Variants in RHOT1 observed in about 807,000 individuals in gnomAD.
RHOT1 encodes mitochondrial Rho GTPase 1.
Under a neutral mutation model 95.3 loss-of-function variants are expected in RHOT1, and 27 were observed. That is an observed-to-expected ratio of 0.28 (90% confidence interval 0.21 to 0.39). The LOEUF is 0.39. RHOT1 is among the 10% of genes least tolerant of loss of function. The probability of loss-of-function intolerance (pLI) is 1.00; values close to 1 mark genes in which losing one functional copy is unlikely to be tolerated. For synonymous variants in RHOT1, 227 were observed against 263.5 expected, an observed-to-expected ratio of 0.86 and a Z score of 1.34; for missense variants, 578 against 786.7, an observed-to-expected ratio of 0.73 and a Z score of 3.17.
chr17:32,222,637 A>G (rs1219672751), intron 19 of RHOT1, among the ~76,000 whole-genome samples: 1 of 152,112 alleles, frequency 6.6e-6, no homozygotes, highest in Non-Finnish European at 1.5e-5. Flanking sequence ...AAAACATGAG[A>G]TCCATCATAT....
Position 32,193,193 on chromosome 17 carries a change from G to A in RHOT1, c.697G>A (p.Val233Ile). The A allele has an allele frequency of 6.2e-7, 1 of 1,613,834 alleles. No individual in the cohort carries two copies. The highest frequency in any genetic ancestry group is 8.5e-7 in the Non-Finnish European group (1 of 1,179,826). ...PQALEDVKNV[V>I]RKHISDGVAD... The stretch of plus-strand genomic sequence containing the variant: ...AGCTCTGGAGGATGTCAAGAATGTA[G>A]TCAGAAAACATATAAGTGATGGTGT... Residue 233 changes from valine (V) to isoleucine (I), a missense_variant, in exon 10 of 20, where the codon GTC becomes ATC. Val to Ile is a conservative substitution (Grantham distance 29). This residue lies in a region of RHOT1 where 227 missense variants were observed against 316.0 expected (regional missense o/e 0.72). Transcript: ENST00000545287.
Position 32,176,179 on chromosome 17 carries a change from C to T in RHOT1, c.295C>T (p.Pro99Ser). Residue 99 changes from proline (P) to serine (S), a missense_variant, in exon 6 of 20, where the codon CCT (proline) becomes TCT (serine). Transcript: ENST00000545287. ...ATTTTAGGTAACAAGTCGATGGATT[C>T]CTCTCATAAATGAAAGAACAGACAA... Reference protein sequence around the residue: ...SIDKVTSRWIPLINERTDKDS... With the variant: ...SIDKVTSRWISLINERTDKDS... 6.2e-7 allele frequency: 1 copy of T among 1,611,262 alleles called. No homozygotes were observed. Among genetic ancestry groups the T allele is most frequent in the Non-Finnish European group, 8.5e-7 (1 of 1,179,162 alleles).
intron 1 of RHOT1, among the ~76,000 whole-genome samples, chr17:32,149,613 A>C (rs1486455440): frequency 2.4e-5 from 2 of 82,168 alleles, no homozygotes; most frequent in Non-Finnish European, 4.4e-5. Context: ...ATATATATAT[A>C]TATATATATA....
chr17:32,150,880 T>G (rs1381298836), intron 1 of RHOT1: 1 of 1,539,652 alleles, frequency 6.5e-7, no homozygotes, highest in East Asian at 2.3e-5. Context: ...AGAAAAAGCA[T>G]AAGCACTGGG....
At chr17:32,150,430 C>G (rs2032147426) in intron 1 of RHOT1, 1 of 639,602 alleles carries the variant, frequency 1.6e-6, no homozygotes, top group Admixed American at 2.7e-5. Flanking sequence ...GTACTCTAGT[C>G]AGAGAAATCC....
intron 1 of RHOT1, among the ~76,000 whole-genome samples, chr17:32,162,850 G>T (rs1439795205): frequency 6.6e-6 from 1 of 152,160 alleles, no homozygotes; most frequent in South Asian, 2.1e-4. Flanking sequence ...GAGGAAATAA[G>T]AGCTATAGGT....
chr17:32,188,250 G>A (rs553204958), intron 8 of RHOT1, among the ~76,000 whole-genome samples: 5 of 152,316 alleles, frequency 3.3e-5, no homozygotes, highest in African/African-American at 1.2e-4. Context: ...AAATATTCCA[G>A]GTTCAAATTA....
At chr17:32,149,907 C>A (rs577279174) in intron 1 of RHOT1, among the ~76,000 whole-genome samples, 83 of 151,874 alleles carry the variant, frequency 5.5e-4, no homozygotes, top group African/African-American at 1.6e-3. Flanking sequence ...TGCCATCATG[C>A]CTGGCTAATT....
chr17:32,224,890 C>A lies in RHOT1; in HGVS notation c.*157C>A. ...AAGAGTATTTTAATGATAGTTATAA[C>A]TGCAGTATTGGCTAGCATATGGAAA... On this transcript the variant is annotated 3_prime_UTR_variant, in exon 20 of 20. Coordinates refer to ENST00000545287, the MANE Select transcript of RHOT1 (RefSeq NM_001033566.3). The A allele has an allele frequency of 2.0e-6, 1 of 496,808 alleles. No individual in the cohort carries two copies. The highest frequency in any genetic ancestry group is 3.6e-6 in the Non-Finnish European group (1 of 277,254). The allele number at this position is 496,808 out of a possible 1,614,324, so 30.8% of individuals were successfully genotyped here.
At chr17:32,194,202 G>A (rs186131537) in intron 11 of RHOT1, 95 bp downstream of exon 11, 7 of 1,298,492 alleles carry the variant, frequency 5.4e-6, no homozygotes, top group Non-Finnish European at 7.6e-6. Context: ...GAACTCCTGA[G>A]TCAAGTGATC....
At chr17:32,192,118 T>C in intron 8 of RHOT1, 83 bp from the exon 9 acceptor site, 1 of 731,014 alleles carries the variant, frequency 1.4e-6, no homozygotes, top group Non-Finnish European at 2.3e-6. Flanking sequence ...TTTGATATTA[T>C]GTAAAAATAA....
intron 1 of RHOT1, among the ~76,000 whole-genome samples, chr17:32,149,599 A>G (rs1179620430): frequency 2.0e-4 from 12 of 60,362 alleles, no homozygotes; most frequent in African/African-American, 1.5e-3. Context: ...TTCTATATAT[A>G]TATATATATA....
chr17:32,182,722 G>A, intron 6 of RHOT1, 35 bp from the exon 7 acceptor site: 1 of 1,182,238 alleles, frequency 8.5e-7, no homozygotes, highest in Non-Finnish European at 1.2e-6. Flanking sequence ...AATGTCTTTT[G>A]CCTTCCTTAT....
intron 16 of RHOT1, among the ~76,000 whole-genome samples, chr17:32,204,711 GGC>G (rs1020971121): frequency 2.6e-5 from 4 of 151,856 alleles, no homozygotes; most frequent in African/African-American, 9.7e-5. Flanking sequence ...AAATGGGTTA[GGC>G]ATGGTGGCTC....
intron 1 of RHOT1, among the ~76,000 whole-genome samples, chr17:32,154,710 T>A (rs1289355430): frequency 6.6e-6 from 1 of 150,566 alleles, no homozygotes; most frequent in African/African-American, 2.5e-5. Context: ...CTGGCCAACA[T>A]GGTGAAACCA....
At chr17:32,172,051 T>G (rs1420414594) in intron 2 of RHOT1, among the ~76,000 whole-genome samples, 2 of 152,252 alleles carry the variant, frequency 1.3e-5, no homozygotes, top group Non-Finnish European at 2.9e-5. Context: ...GATTTCAAAT[T>G]ACCCTCTTTC....
chr17:32,193,472 G>C (rs1426951621), intron 10 of RHOT1, among the ~76,000 whole-genome samples: 2 of 151,998 alleles, frequency 1.3e-5, no homozygotes, highest in Non-Finnish European at 2.9e-5. Flanking sequence ...TGGATCTCAA[G>C]GATACAGAGG....
chr17:32,222,399 T>C (rs114189320), intron 19 of RHOT1, among the ~76,000 whole-genome samples: 93 of 152,322 alleles, frequency 6.1e-4, no homozygotes, highest in African/African-American at 1.9e-3. Context: ...TGAATACTTA[T>C]GGTTACTACG....
chr17:32,193,399 A>T (rs913964239), intron 10 of RHOT1, among the ~76,000 whole-genome samples, 155 bp downstream of exon 10: 2 of 152,176 alleles, frequency 1.3e-5, no homozygotes, highest in African/African-American at 4.8e-5. Flanking sequence ...GTTGGGAGGG[A>T]CAGGCCATTG....
Sources: gnomAD v4.1 joint callset for allele counts (sites outside exome capture counted in the v4.1 genomes callset) on GRCh38, gnomAD v4.1.1 for gene constraint, gnomAD v4.1.1 regional missense constraint, MANE v1.5 for transcripts, NCBI Gene and HGNC (gene_info 2026-07-23, HGNC 2026-07-21) for gene names.